Variants in PTPRT observed in about 807,000 individuals in gnomAD.
PTPRT encodes the protein receptor-type tyrosine-protein phosphatase T.
PTPRT carries 56 observed loss-of-function variants against 176.8 expected under a neutral mutation model. The observed-to-expected ratio is 0.32, with a 90% CI of 0.26 to 0.40. PTPRT has a LOEUF of 0.40. Among genes scored for constraint, PTPRT ranks in the 10% least tolerant of loss-of-function variants. The probability of loss-of-function intolerance (pLI) is 1.00; values close to 1 mark genes in which losing one functional copy is unlikely to be tolerated. For synonymous variants in PTPRT, 783 were observed against 739.0 expected (o/e 1.06, Z -0.96); for missense variants, 1,540 against 1,908.2 (o/e 0.81, Z 3.60).
chr20:42,107,857 C>T (rs1023010163), intron 23 of PTPRT, among the ~76,000 whole-genome samples: 1 of 152,224 alleles, frequency 6.6e-6, no homozygotes, highest in Non-Finnish European at 1.5e-5. Flanking sequence ...CCAAGGGGCA[C>T]AGGCCAGTGC....
At chr20:42,139,716 C>T (rs971114104) in intron 18 of PTPRT, among the ~76,000 whole-genome samples, 1 of 152,238 alleles carries the variant, frequency 6.6e-6, no homozygotes, top group African/African-American at 2.4e-5. Context: ...CTCAGAGTCT[C>T]AGGCATAGGC....
At chr20:42,332,118 T>C (rs945711058) in intron 11 of PTPRT, among the ~76,000 whole-genome samples, 5 of 152,184 alleles carry the variant, frequency 3.3e-5, no homozygotes, top group African/African-American at 1.2e-4. Context: ...CTTGAGTCCA[T>C]GTCTTTTTCA....
At chr20:43,119,239 C>A (rs1568796040) in intron 1 of PTPRT, among the ~76,000 whole-genome samples, 2 of 152,110 alleles carry the variant, frequency 1.3e-5, no homozygotes. Flanking sequence ...GAAGAAGACA[C>A]CTTGTTTATC....
intron 7 of PTPRT, among the ~76,000 whole-genome samples, chr20:42,515,945 T>C (rs1372817090): frequency 4.7e-5 from 7 of 150,004 alleles, no homozygotes; most frequent in African/African-American, 1.7e-4. Context: ...TGAGTTCATG[T>C]CCTTTGTAGG....
chr20:42,492,690 T>G (rs2071582168), intron 7 of PTPRT, among the ~76,000 whole-genome samples: 1 of 152,188 alleles, frequency 6.6e-6, no homozygotes, highest in East Asian at 1.9e-4. Flanking sequence ...ATTCATGAGA[T>G]TTTTAAATCT....
At chr20:42,138,407 C>T (rs1011036323) in intron 18 of PTPRT, among the ~76,000 whole-genome samples, 8 of 152,198 alleles carry the variant, frequency 5.3e-5, no homozygotes, top group African/African-American at 1.9e-4. Context: ...CTCTTTGGGT[C>T]CTGGTAACCC....
chr20:42,273,417 G>C (rs900042648), intron 13 of PTPRT, among the ~76,000 whole-genome samples: 1 of 152,114 alleles, frequency 6.6e-6, no homozygotes, highest in African/African-American at 2.4e-5. Flanking sequence ...GTTTCTTCTT[G>C]TTGGCCAGGC....
rs190782068 is a variant in PTPRT, at chr20:42,228,636, T to C, written c.2342+7593A>G. The stretch of plus-strand genomic sequence containing the variant: ...CACCGTAGGCCAAAATAAGTGAACA[T>C]GGATATTAACTAACTTCTAGAGAAT... On this transcript the variant is annotated intron_variant, in intron 15 of 30. Transcript: ENST00000373187. Among the ~76,000 whole-genome samples the C allele has an allele frequency of 2.3e-4, 35 of 152,318 alleles. 1 individual carries two copies. The East Asian group carries it at 4.8e-3, about 21-fold the overall frequency.
At chr20:42,747,975 G>T (rs976075988) in intron 6 of PTPRT, among the ~76,000 whole-genome samples, 6 of 152,218 alleles carry the variant, frequency 3.9e-5, no homozygotes, top group Admixed American at 3.9e-4. Context: ...GAATAGTCAT[G>T]CAGTTGAGAA....
chr20:42,393,406 G>A (rs1163490299), intron 9 of PTPRT, among the ~76,000 whole-genome samples: 5 of 152,172 alleles, frequency 3.3e-5, no homozygotes, highest in South Asian at 2.1e-4. Flanking sequence ...GCAGGTGACT[G>A]GAGAAAACTG....
chr20:42,652,713 G>C (rs1026829402), intron 7 of PTPRT, among the ~76,000 whole-genome samples: 1 of 152,056 alleles, frequency 6.6e-6, no homozygotes, highest in Non-Finnish European at 1.5e-5. Context: ...GGTTGCCAAG[G>C]GTGAGTCCCT....
intron 12 of PTPRT, among the ~76,000 whole-genome samples, chr20:42,287,969 A>G (rs1364552292): frequency 1.3e-5 from 2 of 152,028 alleles, no homozygotes; most frequent in African/African-American, 4.8e-5. Flanking sequence ...ACATGGGATG[A>G]TACACATAAG....
intron 13 of PTPRT, among the ~76,000 whole-genome samples, chr20:42,250,682 T>A (rs2056537006): frequency 6.6e-6 from 1 of 152,236 alleles, no homozygotes; most frequent in African/African-American, 2.4e-5. Context: ...GCTTAACAGA[T>A]AAATTATAAC....
At chr20:42,651,327 C>T (rs1029037025) in intron 7 of PTPRT, among the ~76,000 whole-genome samples, 1 of 152,052 alleles carries the variant, frequency 6.6e-6, no homozygotes, top group African/African-American at 2.4e-5. Context: ...ATAGGCATAC[C>T]CTATTGATCT....
intron 7 of PTPRT, among the ~76,000 whole-genome samples, chr20:42,539,166 T>C (rs964248812): frequency 6.6e-6 from 1 of 152,136 alleles, no homozygotes; most frequent in Non-Finnish European, 1.5e-5. Flanking sequence ...GACTCAGTAG[T>C]TGCTGAATAG....
intron 6 of PTPRT, among the ~76,000 whole-genome samples, chr20:42,713,156 T>TAC (rs11468862): frequency 0.05 from 7,456 of 148,108 alleles, 197 homozygotes; most frequent in Non-Finnish European, 0.066. Context: ...CACGCACACA[T>TAC]ACACACACAC....
chr20:42,278,181 G>A lies in PTPRT; in HGVS notation c.2176+4308C>T, dbSNP rs1327225311. Among the ~76,000 whole-genome samples the A allele has an allele frequency of 2.1e-5, 3 of 139,682 alleles. No homozygotes were observed. In the East Asian group the frequency reaches 6.5e-4, roughly 30 times the overall value. 91.6% of individuals were successfully genotyped at this position (139,682 alleles called of 152,430 possible). On this transcript the variant is annotated intron_variant, in intron 13 of 30. Coordinates refer to ENST00000373187, the MANE Select transcript of PTPRT (RefSeq NM_007050.6). Reference sequence around the variant, plus strand: ...ATGAAGGAAAAGTACAGGGTTTAGTGAGAGTGGAAAATTAGGGATATACAT... The same window carrying A: ...ATGAAGGAAAAGTACAGGGTTTAGTAAGAGTGGAAAATTAGGGATATACAT...
chr20:42,539,360 A>C (rs1440317356), intron 7 of PTPRT, among the ~76,000 whole-genome samples: 14 of 132,690 alleles, frequency 1.1e-4, no homozygotes, highest in Non-Finnish European at 7.8e-5. Flanking sequence ...GATCACCATC[A>C]CTTTTTTTTT....
chr20:42,185,203 A>G (rs1434497434), intron 16 of PTPRT, among the ~76,000 whole-genome samples: 1 of 152,150 alleles, frequency 6.6e-6, no homozygotes, highest in Non-Finnish European at 1.5e-5. Flanking sequence ...CCTCCTCAGA[A>G]TACTGTTGTC....
Sources: allele counts gnomAD v4.1 joint callset (sites outside exome capture counted in the v4.1 genomes callset), GRCh38; gene constraint gnomAD v4.1.1; transcripts MANE v1.5; gene names NCBI Gene and HGNC (gene_info 2026-07-23, HGNC 2026-07-21).